Variants in ING1 observed in about 807,000 individuals in gnomAD.
ING1 encodes inhibitor of growth protein 1.
A neutral mutation model predicts 23.1 loss-of-function variants in ING1; 4 were observed. The observed-to-expected ratio is 0.17, with a 90% CI of 0.09 to 0.40. The LOEUF (loss-of-function observed/expected upper bound fraction) is 0.40, where lower values mean the gene tolerates loss of function less well. Among genes scored for constraint, ING1 ranks in the 10% least tolerant of loss-of-function variants. The pLI is 1.00. For missense variants in ING1, 256 were observed against 393.8 expected (o/e 0.65, Z 2.96); for synonymous variants, 179 against 166.4 (o/e 1.08, Z -0.58).
rs1318770806 is a variant in ING1 at position 110,715,667 on chromosome 13, C to T, written c.136+1382C>T. On this transcript the variant is annotated intron_variant, in intron 1 of 1. Transcript: ENST00000333219. The stretch of plus-strand genomic sequence containing the variant: ...GGTTCTTCTCGCTGCTGGGGCGGGC[C>T]GTGCTCTTCCGCCCTGCGGTGTGGT... 3.1e-6 allele frequency: 5 copies of T among 1,608,378 alleles called. No individual in the cohort carries two copies. In the African/African-American group the frequency reaches 5.3e-5, roughly 17 times the overall value.
At position 110,723,174 on chromosome 13, in the gene ING1, T is replaced by G. The variant is rs1389063857; in HGVS notation, c.*3242T>G. ...TTCCTGGGACAGGCTCCCCAGGTGC[T>G]GAGAGAGGTGCTGCAGGAGTCACAG... On this transcript the variant is annotated 3_prime_UTR_variant, in exon 2 of 2. Transcript: ENST00000333219. The G allele has an allele frequency of 6.6e-6, 1 of 152,226 alleles. No homozygotes were observed. The highest frequency in any genetic ancestry group is 1.5e-5 in the Non-Finnish European group (1 of 68,048). 9.4% of individuals were successfully genotyped at this position (152,226 alleles called of 1,614,324 possible).
At chr13:110,712,844 C>T (rs1232659421), upstream of ING1, 5 of 1,065,522 alleles carry the variant, frequency 4.7e-6, no homozygotes, top group African/African-American at 4.7e-5. Context: ...AAGCAGCTTC[C>T]CTCTCAGGCC....
chr13:110,717,749 C>CCT (rs2064136288), intron 1 of ING1, among the ~76,000 whole-genome samples: 1 of 152,192 alleles, frequency 6.6e-6, no homozygotes, highest in South Asian at 2.1e-4. Flanking sequence ...ATCGCTTGAA[C>CCT]CTGGGAGGCA....
In ING1 at chr13:110,722,472, T is replaced by TC. The variant is rs2064178055; in HGVS notation, c.*2542dup. 6.6e-6 allele frequency: 1 copy of TC among 152,228 alleles called. No individual in the cohort carries two copies. The highest frequency in any genetic ancestry group is 1.5e-5 in the Non-Finnish European group (1 of 68,026). The allele number at this position is 152,228 out of a possible 1,614,324, so 9.4% of individuals were successfully genotyped here. A position where few individuals can be genotyped will look rare whatever the true frequency, so the allele number is the denominator to read the frequency against. On this transcript the variant is annotated 3_prime_UTR_variant, in exon 2 of 2. Coordinates refer to ENST00000333219, the MANE Select transcript of ING1 (RefSeq NM_198219.3). ...AGATTCAATGAAATGCAGTTGCTCA[T>TC]CCTGGATTTCTTCATATTCAGTTTT...
chr13:110,718,610 A>G (rs990735225), intron 1 of ING1, among the ~76,000 whole-genome samples: 6 of 152,322 alleles, frequency 3.9e-5, no homozygotes, highest in Middle Eastern at 3.4e-3. Flanking sequence ...ATAGAGAGCT[A>G]TTATATAAAT....
rs1273950337 is a variant in ING1, at chr13:110,714,077, A to G, written c.-73A>G. 11 of 1,397,780 alleles carry G rather than the reference A, an allele frequency of 7.9e-6. No individual in the cohort carries two copies. The highest frequency in any genetic ancestry group is 2.0e-4 in the Middle Eastern group (1 of 5,108). 86.6% of individuals were successfully genotyped at this position (1,397,780 alleles called of 1,614,324 possible). A position where few individuals can be genotyped will look rare whatever the true frequency, so the allele number is the denominator to read the frequency against. ...CGAGGGCTTTGCATTTTGCAGTGCT[A>G]TTTTTTGAGGGGGGCGGGGGGTGGA... On this transcript the variant is annotated 5_prime_UTR_variant, in exon 1 of 2. Transcript: ENST00000333219.
intron 1 of ING1, among the ~76,000 whole-genome samples, chr13:110,718,248 T>C (rs1373724067): frequency 6.6e-6 from 1 of 152,202 alleles, no homozygotes; most frequent in Non-Finnish European, 1.5e-5. Flanking sequence ...GTGCATTCAC[T>C]GCAGTTAAAA....
In ING1 at chr13:110,722,501, G is replaced by A. The variant is rs2064178248; in HGVS notation, c.*2569G>A. 6.6e-6 allele frequency: 1 copy of A among 152,202 alleles called. No homozygotes were observed. The allele number at this position is 152,202 out of a possible 1,614,324, so 9.4% of individuals were successfully genotyped here. A position where few individuals can be genotyped will look rare whatever the true frequency, so the allele number is the denominator to read the frequency against. ...GGATTTCTTCATATTCAGTTTTGGT[G>A]TAGACAACTGGTGAAGAGAGATGGC... On this transcript the variant is annotated 3_prime_UTR_variant, in exon 2 of 2. Coordinates refer to ENST00000333219, the MANE Select transcript of ING1 (RefSeq NM_198219.3).
chr13:110,713,770 T>C lies in ING1; in HGVS notation c.-380T>C. Reference sequence around the variant, plus strand: ...CGCCCCTTCCCGCTGCCCGCTCCGCTCCTCTCTTCTACCCAGCCCAGTGGG... The same window carrying C: ...CGCCCCTTCCCGCTGCCCGCTCCGCCCCTCTCTTCTACCCAGCCCAGTGGG... On this transcript the variant is annotated 5_prime_UTR_variant, in exon 1 of 2. Transcript: ENST00000333219. The C allele has an allele frequency of 1.0e-6, 1 of 984,938 alleles. No homozygotes were observed. The highest frequency in any genetic ancestry group is 1.2e-6 in the Non-Finnish European group (1 of 829,810). The allele number at this position is 984,938 out of a possible 1,614,324, so 61.0% of individuals were successfully genotyped here. A position where few individuals can be genotyped will look rare whatever the true frequency, so the allele number is the denominator to read the frequency against.
intron 1 of ING1, among the ~76,000 whole-genome samples, chr13:110,716,471 G>A (rs976640306): frequency 6.6e-6 from 1 of 152,146 alleles, no homozygotes; most frequent in Admixed American, 6.5e-5. Flanking sequence ...GACCTACTCT[G>A]TAGGAAGTCA....
At chr13:110,712,987 C>T, upstream of ING1, 3 of 1,552,240 alleles carry the variant, frequency 1.9e-6, no homozygotes, top group African/African-American at 2.7e-5. Context: ...GGTAGGTCTC[C>T]CGCGCACTCT....
At chr13:110,714,756 CCTT>C (rs1394918285) in intron 1 of ING1, among the ~76,000 whole-genome samples, 4 of 152,208 alleles carry the variant, frequency 2.6e-5, no homozygotes, top group Non-Finnish European at 5.9e-5. Flanking sequence ...TTCCTCTGGC[CCTT>C]CTTCGTCGCC....
At chr13:110,718,762 A>G (rs2064144795) in intron 1 of ING1, among the ~76,000 whole-genome samples, 1 of 152,008 alleles carries the variant, frequency 6.6e-6, no homozygotes, top group African/African-American at 2.4e-5. Flanking sequence ...TAAATGTAAT[A>G]AATACCATGT....
At chr13:110,713,238 C>T (rs1047661289), upstream of ING1, 20 of 1,396,552 alleles carry the variant, frequency 1.4e-5, no homozygotes, top group East Asian at 1.0e-4. Context: ...CCTACTTATA[C>T]TGCTCTGTGG....
At position 110,720,032 on chromosome 13, in the gene ING1, T is replaced by A; in HGVS notation, c.*100T>A. On this transcript the variant is annotated 3_prime_UTR_variant, in exon 2 of 2. Coordinates refer to ENST00000333219, the MANE Select transcript of ING1 (RefSeq NM_198219.3). ...GCAAGGAGTGTAAAATGTATATTTT[T>A]AAAGAATGTTAGTAAAGGAACCATT... is the stretch of plus-strand genomic sequence containing the variant. 1 of 892,822 alleles carries A rather than the reference T, an allele frequency of 1.1e-6. No homozygotes were observed. The highest frequency in any genetic ancestry group is 1.6e-6 in the Non-Finnish European group (1 of 608,236). The allele number at this position is 892,822 out of a possible 1,614,324, so 55.3% of individuals were successfully genotyped here. A position where few individuals can be genotyped will look rare whatever the true frequency, so the allele number is the denominator to read the frequency against.
At chr13:110,713,640 G>C (rs917695154), upstream of ING1, 71 of 985,562 alleles carry the variant, frequency 7.2e-5, no homozygotes, top group Middle Eastern at 1.0e-3. Flanking sequence ...GAGGGGGCCG[G>C]GGCGCATGCG....
chr13:110,714,929 G>C (rs2139966975), intron 1 of ING1: 1 of 959,598 alleles, frequency 1.0e-6, no homozygotes, highest in African/African-American at 1.8e-5. Flanking sequence ...TGTAGTTTGC[G>C]GAGGACGAGG....
At position 110,721,171 on chromosome 13, in the gene ING1, T is replaced by G. The variant is rs1459422941; in HGVS notation, c.*1239T>G. ...ACCATTTGACTTGACAAGCCAAAAC[T>G]ATTTTCTGGCCCTCTGCAGAAAGGG... On this transcript the variant is annotated 3_prime_UTR_variant, in exon 2 of 2. Transcript: ENST00000333219. The G allele has an allele frequency of 6.1e-6, 1 of 163,048 alleles. No individual in the cohort carries two copies. The highest frequency in any genetic ancestry group is 6.5e-5 in the Admixed American group (1 of 15,286). The allele number at this position is 163,048 out of a possible 1,614,324, so 10.1% of individuals were successfully genotyped here.
chr13:110,714,182 C>T lies in ING1; in HGVS notation c.33C>T (p.His11=), dbSNP rs763272471. 5.1e-6 allele frequency: 8 copies of T among 1,559,226 alleles called. No individual in the cohort carries two copies. Among genetic ancestry groups the T allele is most frequent in the African/African-American group, 1.4e-5 (1 of 70,934 alleles). MLSPANGEQL[H]LVNYVEDYLD... ...GTCCTGCCAACGGGGAGCAGCTCCA[C>T]CTGGTGAACTATGTGGAGGACTACC... The change falls in exon 1 of 2, where the codon CAC becomes CAT. Residue 11 remains histidine, a synonymous_variant. Transcript: ENST00000333219.
Sources: allele counts gnomAD v4.1 joint callset (sites outside exome capture counted in the v4.1 genomes callset), GRCh38; gene constraint gnomAD v4.1.1; transcripts MANE v1.5; gene names NCBI Gene and HGNC (gene_info 2026-07-23, HGNC 2026-07-21).